The following DGAT1 variants were observed in gnomAD, a reference collection of about 807,000 sequenced individuals.
DGAT1 encodes ACAT related gene product 1.
DGAT1 carries 60 observed loss-of-function variants against 72.6 expected under a neutral mutation model. That is an observed-to-expected ratio of 0.83 (90% confidence interval 0.67 to 1.02). The LOEUF is 1.02. DGAT1 is among the 50% of genes least tolerant of loss of function. The probability of loss-of-function intolerance (pLI) is 0.00; values close to 1 mark genes in which losing one functional copy is unlikely to be tolerated. For missense variants in DGAT1, 592 were observed against 670.0 expected, an observed-to-expected ratio of 0.88 and a Z score of 1.29; for synonymous variants, 290 against 267.5, an observed-to-expected ratio of 1.08 and a Z score of -0.82.
chr8:144,324,603 G>C lies in DGAT1; in HGVS notation c.200+1834C>G, dbSNP rs570222565. On this transcript the variant is annotated intron_variant, in intron 1 of 16. Coordinates refer to ENST00000528718, the MANE Select transcript of DGAT1 (RefSeq NM_012079.6). ...AAGGAGACCCGACCTCCACGGCAGG[G>C]ACAGGGACTCACCAGGCCTCTCCCA... 2.0e-5 allele frequency among the ~76,000 whole-genome samples: 3 copies of C among 152,196 alleles called. No homozygotes were observed. In the South Asian group the frequency reaches 6.2e-4, roughly 32 times the overall value.
At position 144,317,383 on chromosome 8, in the gene DGAT1, G is replaced by C. The variant is rs375248945; in HGVS notation, c.1044C>G (p.Ala348=). ...FYWLFHSCLN[A]VAELMQFGDR... ...CTCCAAACTGCATGAGCTCAGCCAC[G>C]GCATTCAGGCAGGAGTGGAAGAGCC... is the stretch of plus-strand genomic sequence containing the variant. Residue 348 remains alanine (A), a synonymous_variant, in exon 13 of 17, where the codon GCC becomes GCG. Transcript: ENST00000528718. 6 of 1,613,828 alleles carry C rather than the reference G, an allele frequency of 3.7e-6. No individual in the cohort carries two copies. The African/African-American group carries it at 8.0e-5, about 22-fold the overall frequency.
chr8:144,316,495 AGGT>A lies in DGAT1; in HGVS notation c.*56_*58del. On this transcript the variant is annotated 3_prime_UTR_variant, in exon 17 of 17. Transcript: ENST00000528718. ...CCCAGCACTCGAGGCCTAGGAGGAG[AGGT>A]GGGCTCTGGCAGCGGGTGTGAGGTG... 3.3e-6 allele frequency: 5 copies of A among 1,517,232 alleles called. No homozygotes were observed. Among genetic ancestry groups the A allele is most frequent in the Non-Finnish European group, 4.4e-6 (5 of 1,129,226 alleles). 94.0% of individuals were successfully genotyped at this position (1,517,232 alleles called of 1,614,324 possible). A position where few individuals can be genotyped will look rare whatever the true frequency, so the allele number is the denominator to read the frequency against.
rs983553045 is a variant in DGAT1, at chr8:144,315,789, G to C, written c.*765C>G. The C allele has an allele frequency of 5.2e-6, 5 of 967,114 alleles. No individual in the cohort carries two copies. The African/African-American group carries it at 8.8e-5, about 17-fold the overall frequency. The allele number at this position is 967,114 out of a possible 1,614,324, so 59.9% of individuals were successfully genotyped here. A position where few individuals can be genotyped will look rare whatever the true frequency, so the allele number is the denominator to read the frequency against. On this transcript the variant is annotated 3_prime_UTR_variant, in exon 17 of 17. Coordinates refer to ENST00000528718, the MANE Select transcript of DGAT1 (RefSeq NM_012079.6). ...AGCCACCAGCCCACCTGGCTGCCCAGGTTCCAAGTGAAGGAAAGAGGCTGC... is the reference window on the plus strand; with the variant it reads ...AGCCACCAGCCCACCTGGCTGCCCACGTTCCAAGTGAAGGAAAGAGGCTGC...
In DGAT1 at chr8:144,316,367, T is replaced by C; in HGVS notation, c.*187A>G. ...GACTCCCAGCTGGCATCAGACTGTG[T>C]CTGGCCTGCTGTCGCCATCCCTGAG... is the stretch of plus-strand genomic sequence containing the variant. On this transcript the variant is annotated 3_prime_UTR_variant, in exon 17 of 17. Transcript: ENST00000528718. 1 of 733,564 alleles carries C rather than the reference T, an allele frequency of 1.4e-6. No homozygotes were observed. The highest frequency in any genetic ancestry group is 2.2e-6 in the Non-Finnish European group (1 of 464,214). 45.4% of individuals were successfully genotyped at this position (733,564 alleles called of 1,614,324 possible).
At chr8:144,323,909 TG>T (rs1817527033) in intron 1 of DGAT1, among the ~76,000 whole-genome samples, 1 of 152,242 alleles carries the variant, frequency 6.6e-6, no homozygotes, top group Non-Finnish European at 1.5e-5. Flanking sequence ...TCCTCCACTC[TG>T]GCCTCTGGGC....
Position 144,316,617 on chromosome 8 carries a change from G to A in DGAT1, c.1404C>T (p.Ala468=), listed in dbSNP as rs148440470. 196 of 1,608,370 alleles carry A rather than the reference G, an allele frequency of 1.2e-4. No individual in the cohort carries two copies. The African/African-American group carries it at 1.2e-3, about 10-fold the overall frequency. The change falls in exon 17 of 17, where the codon GCC becomes GCT. Residue 468 remains alanine (A), a synonymous_variant. Transcript: ENST00000528718. ...AGTAGTCGTGGACGTACATGAGGAC[G>A]GCTATTGGCTGTCCGATGATGAGCG... ...WLSLIIGQPI[A]VLMYVHDYYV... is the part of the protein sequence containing the mutation.
chr8:144,320,013 C>T (rs1427014279), intron 2 of DGAT1, among the ~76,000 whole-genome samples: 3 of 152,362 alleles, frequency 2.0e-5, no homozygotes, highest in South Asian at 2.1e-4. Context: ...CCGCCTCCCC[C>T]GGCCGCAGGG....
rs918197083 is a variant in DGAT1, at chr8:144,316,866, C to T, written c.1298G>A (p.Gly433Asp). 4 of 1,610,500 alleles carry T rather than the reference C, an allele frequency of 2.5e-6. No individual in the cohort carries two copies. Among genetic ancestry groups the T allele is most frequent in the Non-Finnish European group, 3.4e-6 (4 of 1,178,996 alleles). Residue 433 changes from glycine (G) to aspartate (D), a missense_variant, in exon 16 of 17, where the codon GGC (glycine) becomes GAC (aspartate). By Grantham distance (94) the Gly-to-Asp change is moderately conservative. Coordinates refer to ENST00000528718, the MANE Select transcript of DGAT1 (RefSeq NM_012079.6). Reference sequence around the variant, plus strand: ...GGGGTCACTCACCTGAGCCATCATGCCCGTGAACGCCCAGAGGCGGAACAT... The same window carrying T: ...GGGGTCACTCACCTGAGCCATCATGTCCGTGAACGCCCAGAGGCGGAACAT... ...LRMFRLWAFT[G>D]MMAQIPLAWF... is the part of the protein sequence containing the mutation.
chr8:144,321,225 C>T, intron 2 of DGAT1, 96 bp downstream of exon 2: 1 of 1,197,038 alleles, frequency 8.4e-7, no homozygotes, highest in Non-Finnish European at 1.2e-6. Flanking sequence ...CCAGCCTGGA[C>T]ACCCTGGGTG....
rs782247930 is a variant in DGAT1 at position 144,317,928 on chromosome 8, G to A, written c.841C>T (p.Arg281Trp). 7 of 1,521,540 alleles carry A rather than the reference G, an allele frequency of 4.6e-6. No individual in the cohort carries two copies. The highest frequency in any genetic ancestry group is 2.2e-5 in the Admixed American group (1 of 44,786). The allele number at this position is 1,521,540 out of a possible 1,614,324, so 94.3% of individuals were successfully genotyped here. The change falls in exon 9 of 17, where the codon CGG becomes TGG. Residue 281 changes from arginine (R) to tryptophan (W), a missense_variant. Transcript: ENST00000528718. Reference sequence around the variant, plus strand: ...CCCAACCTCACCATCTCAAGGATCCGTCGCAGCAGAAAGCGCTTCCGGATG... The same window carrying A: ...CCCAACCTCACCATCTCAAGGATCCATCGCAGCAGAAAGCGCTTCCGGATG... ...PRIRKRFLLR[R>W]ILEMLFFTQL...
In DGAT1 at chr8:144,318,143, C is replaced by T; in HGVS notation, c.703G>A (p.Ala235Thr). 1 of 1,572,244 alleles carries T rather than the reference C, an allele frequency of 6.4e-7. No homozygotes were observed. The highest frequency in any genetic ancestry group is 1.2e-5 in the South Asian group (1 of 86,364). ...AASAGKKASSAAAPHTVSYPD... is the reference protein window; with the variant it reads ...AASAGKKASSTAAPHTVSYPD... ...TAGCTCACGGTGTGCGGGGCAGCAG[C>T]ACTGCTGGCCTTCTTCCCTGCAGAG... The change falls in exon 8 of 17, where the codon GCT (alanine) becomes ACT (threonine). Residue 235 changes from alanine to threonine, a missense_variant. Physicochemically the swap from Ala to Thr is moderately conservative, Grantham distance 58 (BLOSUM62 0). Transcript: ENST00000528718.
chr8:144,323,736 C>T (rs879964098), intron 1 of DGAT1, among the ~76,000 whole-genome samples: 5 of 152,230 alleles, frequency 3.3e-5, no homozygotes, highest in Non-Finnish European at 5.9e-5. Context: ...CTCACGGCAA[C>T]ACTGAGACCT....
In DGAT1 at chr8:144,316,930, A is replaced by G. The variant is rs782560002; in HGVS notation, c.1249-15T>C. ...CTCACCAGGTACTGAGATGGGAGGG[A>G]GAGAGGATGCCAGGGAGTGGGGTGT... is the stretch of plus-strand genomic sequence containing the variant. On this transcript the variant is annotated splice_polypyrimidine_tract_variant and intron_variant, in intron 15 of 16. Transcript: ENST00000528718. 42 of 1,612,510 alleles carry G rather than the reference A, an allele frequency of 2.6e-5. No individual in the cohort carries two copies. The highest frequency in any genetic ancestry group is 8.3e-5 in the Admixed American group (5 of 59,920).
chr8:144,326,453 C>G lies in DGAT1; in HGVS notation c.184G>C (p.Gly62Arg), dbSNP rs930349884. Residue 62 changes from glycine to arginine, a missense_variant, in exon 1 of 17, where the codon GGC (glycine) becomes CGC (arginine). By Grantham distance (125) the Gly-to-Arg change is moderately radical. Coordinates refer to ENST00000528718, the MANE Select transcript of DGAT1 (RefSeq NM_012079.6). ...CTCCGCTACCTCAGCTCCCAGTGGC[C>G]GCTGCCCACGCCGGCGTCTCCGTCC... ...NKDGDAGVGS[G>R]HWELRCHRLQ... is the part of the protein sequence containing the mutation. 2.2e-6 allele frequency: 3 copies of G among 1,357,722 alleles called. No individual in the cohort carries two copies. Among genetic ancestry groups the G allele is most frequent in the Middle Eastern group, 2.7e-4 (1 of 3,734 alleles). 84.1% of individuals were successfully genotyped at this position (1,357,722 alleles called of 1,614,324 possible).
Position 144,314,783 on chromosome 8 carries a change from G to A in DGAT1, c.*1771C>T. ...CGGTGGGTGGTGCTGCAATGAGGAG[G>A]GGCCCAGGGCACAGAAGGGCCGGGC... is the stretch of plus-strand genomic sequence containing the variant. On this transcript the variant is annotated 3_prime_UTR_variant, in exon 17 of 17. Transcript: ENST00000528718. 1 of 423,152 alleles carries A rather than the reference G, an allele frequency of 2.4e-6. No individual in the cohort carries two copies. The highest frequency in any genetic ancestry group is 3.2e-6 in the Non-Finnish European group (1 of 310,684). The allele number at this position is 423,152 out of a possible 1,614,324, so 26.2% of individuals were successfully genotyped here. A position where few individuals can be genotyped will look rare whatever the true frequency, so the allele number is the denominator to read the frequency against.
At chr8:144,324,883 C>A (rs563437760) in intron 1 of DGAT1, among the ~76,000 whole-genome samples, 2 of 152,136 alleles carry the variant, frequency 1.3e-5, no homozygotes, top group East Asian at 3.9e-4. Context: ...GCCTGACCAA[C>A]ATGGAGAAAC....
chr8:144,320,162 G>A (rs1233257375), intron 2 of DGAT1, among the ~76,000 whole-genome samples: 1 of 152,190 alleles, frequency 6.6e-6, no homozygotes, highest in Non-Finnish European at 1.5e-5. Context: ...AATGCAACAA[G>A]CAGCCCAGAG....
In DGAT1 at chr8:144,314,827, G is replaced by C. The variant is rs1271021810; in HGVS notation, c.*1727C>G. The C allele has an allele frequency of 9.1e-6, 8 of 882,440 alleles. No individual in the cohort carries two copies. In the African/African-American group the frequency reaches 1.5e-4, roughly 16 times the overall value. 54.7% of individuals were successfully genotyped at this position (882,440 alleles called of 1,614,324 possible). The stretch of plus-strand genomic sequence containing the variant: ...GCCGGGCTGCAGTGGCCTCCTGGGG[G>C]AAGACGGATGCTTGCAGCTAGCTCC... On this transcript the variant is annotated 3_prime_UTR_variant, in exon 17 of 17. Coordinates refer to ENST00000528718, the MANE Select transcript of DGAT1 (RefSeq NM_012079.6).
rs1817350889 is a variant in DGAT1 at position 144,318,864 on chromosome 8, T to C, written c.386A>G (p.Tyr129Cys). The C allele has an allele frequency of 1.2e-6, 2 of 1,612,034 alleles. No homozygotes were observed. The highest frequency in any genetic ancestry group is 1.7e-6 in the Non-Finnish European group (2 of 1,179,198). Residue 129 changes from tyrosine to cysteine, a missense_variant, in exon 4 of 17, where the codon TAT becomes TGT. Tyr to Cys is a radical substitution (Grantham distance 194). Coordinates refer to ENST00000528718, the MANE Select transcript of DGAT1 (RefSeq NM_012079.6). Reference protein sequence around the residue: ...QVVSLFLKDPYSWPAPCLVIA... With the variant: ...QVVSLFLKDPCSWPAPCLVIA... ...AACCAGGCATGGGGCGGGCCAGCTA[T>C]AGGGATCCTTCAGGAACAGAGAAAC...
Sources: allele counts gnomAD v4.1 joint callset (sites outside exome capture counted in the v4.1 genomes callset), GRCh38; gene constraint gnomAD v4.1.1; transcripts MANE v1.5; gene names NCBI Gene and HGNC (gene_info 2026-07-23, HGNC 2026-07-21).